DLG2: variants seen among roughly 807,000 people sequenced by gnomAD.
DLG2 encodes the protein discs large MAGUK scaffold protein 2.
DLG2 carries 45 observed loss-of-function variants against 132.5 expected under a neutral mutation model. That is an observed-to-expected ratio of 0.34 (90% CI 0.27 to 0.44). DLG2 has a LOEUF of 0.44. Among genes scored for constraint, DLG2 ranks in the 20% least tolerant of loss-of-function variants. The pLI is 1.00. For missense variants in DLG2, 1,045 were observed against 1,196.9 expected, an observed-to-expected ratio of 0.87 and a Z score of 1.87; for synonymous variants, 424 against 419.6, an observed-to-expected ratio of 1.01 and a Z score of -0.13.
chr11:83,983,905 C>T (rs1020591559), intron 11 of DLG2, among the ~76,000 whole-genome samples: 2 of 151,940 alleles, frequency 1.3e-5, no homozygotes, highest in Admixed American at 1.3e-4. Context: ...AATGTATTTA[C>T]AAAAGTTTCT....
At chr11:84,846,739 A>G (rs1305777702) in intron 6 of DLG2, among the ~76,000 whole-genome samples, 2 of 152,166 alleles carry the variant, frequency 1.3e-5, no homozygotes, top group Non-Finnish European at 2.9e-5. Context: ...AATGTAATGT[A>G]TCAGAAGTTA....
intron 6 of DLG2, among the ~76,000 whole-genome samples, chr11:84,543,247 T>C (rs2099382294): frequency 6.6e-6 from 1 of 152,078 alleles, no homozygotes; most frequent in Non-Finnish European, 1.5e-5. Flanking sequence ...AGGTTGCAAA[T>C]CTGGGGGTGG....
At chr11:85,596,073 C>T (rs936481663) in intron 3 of DLG2, among the ~76,000 whole-genome samples, 1 of 151,802 alleles carries the variant, frequency 6.6e-6, no homozygotes, top group East Asian at 1.9e-4. Context: ...GGAAACATAG[C>T]GAGACCCCAT....
At chr11:84,751,598 G>A (rs1379574888) in intron 6 of DLG2, among the ~76,000 whole-genome samples, 1 of 152,122 alleles carries the variant, frequency 6.6e-6, no homozygotes, top group Admixed American at 6.5e-5. Flanking sequence ...CTGCAGCATA[G>A]CAAAAATCGG....
chr11:83,590,497 A>G (rs1593978203), intron 19 of DLG2, among the ~76,000 whole-genome samples: 3 of 152,294 alleles, frequency 2.0e-5, no homozygotes, highest in Admixed American at 2.0e-4. Context: ...AGCAGTGTGT[A>G]GAGGGAAATT....
intron 18 of DLG2, among the ~76,000 whole-genome samples, chr11:83,728,030 C>A (rs1443412375): frequency 6.6e-6 from 1 of 152,140 alleles, no homozygotes; most frequent in Non-Finnish European, 1.5e-5. Context: ...GAATCTTCAG[C>A]CTCAAACCTC....
At chr11:85,075,306 T>A (rs946132396) in intron 6 of DLG2, among the ~76,000 whole-genome samples, 3 of 152,016 alleles carry the variant, frequency 2.0e-5, no homozygotes, top group Admixed American at 2.0e-4. Flanking sequence ...ATAATTATAA[T>A]TCTAGGTATA....
chr11:84,576,675 G>A (rs2099500935), intron 6 of DLG2, among the ~76,000 whole-genome samples: 1 of 152,200 alleles, frequency 6.6e-6, no homozygotes, highest in Non-Finnish European at 1.5e-5. Flanking sequence ...GGTGAGGTGT[G>A]CAAGTAATGA....
chr11:85,000,744 C>T (rs79198579), intron 6 of DLG2, among the ~76,000 whole-genome samples: 2,995 of 152,216 alleles, frequency 0.02, 54 homozygotes, highest in Admixed American at 0.042. Flanking sequence ...TATTTATATC[C>T]TAGCTCTGCT....
intron 4 of DLG2, among the ~76,000 whole-genome samples, chr11:85,217,202 C>A (rs2082674346): frequency 6.6e-6 from 1 of 151,666 alleles, no homozygotes; most frequent in Admixed American, 6.6e-5. Context: ...ATGATATGAA[C>A]TCAAACTCAA....
intron 9 of DLG2, among the ~76,000 whole-genome samples, chr11:84,101,753 C>A (rs917326377): frequency 6.6e-6 from 1 of 152,042 alleles, no homozygotes; most frequent in Admixed American, 6.6e-5. Context: ...ATATTGGTCT[C>A]ACTGTAGTTA....
chr11:83,699,633 C>A (rs2082531639), intron 18 of DLG2, among the ~76,000 whole-genome samples: 2 of 150,876 alleles, frequency 1.3e-5, no homozygotes, highest in African/African-American at 2.4e-5. Context: ...TGGAGTGAAC[C>A]CAGGAGGTGG....
In DLG2 at chr11:83,716,754, A is replaced by G. The variant is rs144838520; in HGVS notation, c.1825+69936T>C. Among the ~76,000 whole-genome samples the G allele has an allele frequency of 8.0e-3, 1,220 of 152,290 alleles. 18 individuals are homozygous for G. Among genetic ancestry groups the G allele is most frequent in the African/African-American group, 0.028 (1,174 of 41,546 alleles). Reference sequence around the variant, plus strand: ...TACTTCTTTCCTTTTGGCCCATCATACAGACTTTTCTCACATAATCTTCAA... The same window carrying G: ...TACTTCTTTCCTTTTGGCCCATCATGCAGACTTTTCTCACATAATCTTCAA... On this transcript the variant is annotated intron_variant, in intron 18 of 27. Transcript: ENST00000376104.
At chr11:84,001,539 T>C (rs757801922) in intron 11 of DLG2, among the ~76,000 whole-genome samples, 6 of 152,104 alleles carry the variant, frequency 3.9e-5, no homozygotes, top group Non-Finnish European at 8.8e-5. Context: ...ATTAGACAGA[T>C]CATTTACACA....
chr11:84,959,958 T>C (rs1316145079), intron 6 of DLG2, among the ~76,000 whole-genome samples: 1 of 152,208 alleles, frequency 6.6e-6, no homozygotes, highest in African/African-American at 2.4e-5. Flanking sequence ...GTGGGAGTGG[T>C]AATTCTGAAA....
intron 6 of DLG2, among the ~76,000 whole-genome samples, chr11:84,859,836 A>T (rs946526290): frequency 9.2e-5 from 14 of 151,636 alleles, no homozygotes; most frequent in African/African-American, 3.4e-4. Flanking sequence ...AGGCAAGTTT[A>T]AAAAAAATCA....
At chr11:84,008,948 T>G (rs1487471923) in intron 11 of DLG2, among the ~76,000 whole-genome samples, 1 of 151,600 alleles carries the variant, frequency 6.6e-6, no homozygotes, top group Non-Finnish European at 1.5e-5. Context: ...TGTTGTTGTT[T>G]TTTGACCTAG....
chr11:85,006,337 G>C (rs983721670), intron 6 of DLG2, among the ~76,000 whole-genome samples: 4 of 152,190 alleles, frequency 2.6e-5, no homozygotes, highest in African/African-American at 9.7e-5. Flanking sequence ...GTAGAATTCA[G>C]CTGTGAATCC....
chr11:85,178,226 G>A (rs954214797), intron 4 of DLG2, among the ~76,000 whole-genome samples: 21 of 151,970 alleles, frequency 1.4e-4, no homozygotes, highest in African/African-American at 4.8e-4. Flanking sequence ...AATATACTTG[G>A]TTTTAGAAAA....
Sources: gnomAD v4.1 joint callset for allele counts (sites outside exome capture counted in the v4.1 genomes callset) on GRCh38, gnomAD v4.1.1 for gene constraint, MANE v1.5 for transcripts, NCBI Gene and HGNC (gene_info 2026-07-23, HGNC 2026-07-21) for gene names.